Variants in CNGB3 observed in about 807,000 individuals in gnomAD.
CNGB3 encodes the protein cyclic nucleotide gated channel subunit beta 3.
A neutral mutation model predicts 92.8 loss-of-function variants in CNGB3; 86 were observed. The observed-to-expected ratio is 0.93, with a 90% confidence interval of 0.78 to 1.11. The LOEUF (loss-of-function observed/expected upper bound fraction) is 1.11, where lower values mean the gene tolerates loss of function less well. Ranked by LOEUF, CNGB3 falls within the 50% of genes least tolerant of loss-of-function variation. The pLI is 0.00. For synonymous variants in CNGB3, 333 were observed against 332.7 expected (o/e 1.00, Z -0.01); for missense variants, 1,026 against 956.8 (o/e 1.07, Z -0.95).
In CNGB3 at chr8:86,580,190, C is replaced by CGGG. The variant is rs71275867; in HGVS notation, c.1782-941_1782-939dup. 7.4e-3 allele frequency among the ~76,000 whole-genome samples: 332 copies of CGGG among 45,044 alleles called. 4 individuals are homozygous for CGGG. The highest frequency in any genetic ancestry group is 0.033 in the South Asian group (39 of 1,182). The allele number at this position is 45,044 out of a possible 152,430, so 29.6% of individuals were successfully genotyped here. ...CTCACTCATTATCACGAGAATAGCACGGGGGGGGTGGCGGGGGGAACTGCC... is the reference window on the plus strand; with the variant it reads ...CTCACTCATTATCACGAGAATAGCACGGGGGGGGGGGTGGCGGGGGGAACTGCC... On this transcript the variant is annotated intron_variant, in intron 15 of 17. Coordinates refer to ENST00000320005, the MANE Select transcript of CNGB3 (RefSeq NM_019098.5).
At chr8:86,627,964 T>C (rs1294042022) in intron 12 of CNGB3, among the ~76,000 whole-genome samples, 1 of 152,242 alleles carries the variant, frequency 6.6e-6, no homozygotes, top group African/African-American at 2.4e-5. Flanking sequence ...AAGACCTTTA[T>C]GATGATCTAG....
At chr8:86,682,151 C>T (rs1228659903) in intron 3 of CNGB3, among the ~76,000 whole-genome samples, 1 of 152,134 alleles carries the variant, frequency 6.6e-6, no homozygotes, top group African/African-American at 2.4e-5. Context: ...TTCCCTGAAT[C>T]TAAATTTTGG....
intron 3 of CNGB3, among the ~76,000 whole-genome samples, chr8:86,674,959 G>A (rs572649251): frequency 6.6e-6 from 1 of 151,410 alleles, no homozygotes; most frequent in Non-Finnish European, 1.5e-5. Flanking sequence ...TGTTGTTGTT[G>A]TTGTTGTTGT....
At chr8:86,709,940 T>C (rs1431660311) in intron 3 of CNGB3, among the ~76,000 whole-genome samples, 1 of 152,208 alleles carries the variant, frequency 6.6e-6, no homozygotes, top group African/African-American at 2.4e-5. Context: ...TTATTCACAA[T>C]GTGATTGCCT....
At chr8:86,634,530 T>G (rs1256931925) in intron 10 of CNGB3, among the ~76,000 whole-genome samples, 4 of 152,124 alleles carry the variant, frequency 2.6e-5, no homozygotes, top group African/African-American at 4.8e-5. Context: ...TAATTCTACA[T>G]AGCTCTGATA....
chr8:86,697,635 CTTATT>C (rs1287028825), intron 3 of CNGB3, among the ~76,000 whole-genome samples: 1 of 152,116 alleles, frequency 6.6e-6, no homozygotes, highest in East Asian at 1.9e-4. Flanking sequence ...GAACCCTTTT[CTTATT>C]TTATTTAATT....
chr8:86,699,174 C>T (rs1824505707), intron 3 of CNGB3, among the ~76,000 whole-genome samples: 1 of 152,128 alleles, frequency 6.6e-6, no homozygotes, highest in African/African-American at 2.4e-5. Context: ...AGCATGTTTT[C>T]AAGATCCTTA....
At chr8:86,579,708 A>G (rs561679743) in intron 15 of CNGB3, among the ~76,000 whole-genome samples, 1 of 152,302 alleles carries the variant, frequency 6.6e-6, no homozygotes, top group Non-Finnish European at 1.5e-5. Context: ...AGAGAGTGGG[A>G]TCAGAGCATT....
At position 86,579,091 on chromosome 8, in the gene CNGB3, T is replaced by C. The variant is rs541937792; in HGVS notation, c.1928+15A>G. The C allele has an allele frequency of 1.9e-6, 3 of 1,614,136 alleles. No individual in the cohort carries two copies. Among genetic ancestry groups the C allele is most frequent in the Admixed American group, 3.3e-5 (2 of 60,024 alleles). On this transcript the variant is annotated intron_variant, in intron 16 of 17. Coordinates refer to ENST00000320005, the MANE Select transcript of CNGB3 (RefSeq NM_019098.5). Reference sequence around the variant, plus strand: ...CCAACTCCATCCATCTCTAATGGTGTTTTAAAGGTTGTACCTGGCTTTCTT... The same window carrying C: ...CCAACTCCATCCATCTCTAATGGTGCTTTAAAGGTTGTACCTGGCTTTCTT...
chr8:86,673,276 G>A (rs1191672341), intron 3 of CNGB3, among the ~76,000 whole-genome samples: 1 of 152,194 alleles, frequency 6.6e-6, no homozygotes, highest in Non-Finnish European at 1.5e-5. Context: ...TGTAGAGGAA[G>A]TACACTGTCT....
intron 3 of CNGB3, among the ~76,000 whole-genome samples, chr8:86,721,116 G>A (rs964346284): frequency 5.9e-5 from 9 of 151,746 alleles, no homozygotes; most frequent in Admixed American, 5.9e-4. Context: ...AGAGGTGCAC[G>A]CCACCAGCCC....
In CNGB3 at chr8:86,655,400, G is replaced by A. The variant is rs150846378; in HGVS notation, c.853-1338C>T. Among the ~76,000 whole-genome samples the A allele has an allele frequency of 5.4e-4, 82 of 152,284 alleles. 2 individuals carry two copies. The East Asian group carries it at 0.016, about 29-fold the overall frequency. ...TTCTGTTTTCCACTCACTTCCCGGA[G>A]CATCCCAGAAACAGAACCCACTCTG... is the stretch of plus-strand genomic sequence containing the variant. On this transcript the variant is annotated intron_variant, in intron 6 of 17. Transcript: ENST00000320005.
intron 1 of CNGB3, among the ~76,000 whole-genome samples, chr8:86,740,275 G>T (rs1486486487): frequency 6.6e-6 from 1 of 152,182 alleles, no homozygotes; most frequent in Non-Finnish European, 1.5e-5. Context: ...CCCAAGCTAT[G>T]CACAGTCTAG....
chr8:86,690,325 AT>A (rs1459485130), intron 3 of CNGB3, among the ~76,000 whole-genome samples: 3 of 152,062 alleles, frequency 2.0e-5, no homozygotes, highest in South Asian at 2.1e-4. Context: ...GATGATGAGC[AT>A]TTTTTCATGT....
intron 6 of CNGB3, chr8:86,660,358 C>G: frequency 2.5e-6 from 1 of 402,934 alleles, no homozygotes; most frequent in Non-Finnish European, 4.9e-6. Flanking sequence ...CTAAACACAT[C>G]CAGTCATCTA....
At chr8:86,631,084 T>C (rs1822952566) in intron 11 of CNGB3, among the ~76,000 whole-genome samples, 1 of 152,262 alleles carries the variant, frequency 6.6e-6, no homozygotes, top group South Asian at 2.1e-4. Flanking sequence ...ACATTTTCAG[T>C]GACTTGATAT....
chr8:86,708,586 G>C (rs1169195451), intron 3 of CNGB3, among the ~76,000 whole-genome samples: 1 of 47,592 alleles, frequency 2.1e-5, no homozygotes, highest in South Asian at 6.0e-4. Flanking sequence ...TTTTTTTTTT[G>C]AGTCAGGGTC....
At chr8:86,671,815 A>G (rs1434817923) in intron 3 of CNGB3, among the ~76,000 whole-genome samples, 1 of 152,184 alleles carries the variant, frequency 6.6e-6, no homozygotes. Flanking sequence ...ACTTGGAAGT[A>G]AATTCTTCAC....
chr8:86,631,878 T>C (rs1007759989), intron 11 of CNGB3, among the ~76,000 whole-genome samples: 2 of 152,208 alleles, frequency 1.3e-5, no homozygotes, highest in East Asian at 3.8e-4. Context: ...CTTTGCTGAC[T>C]GAGGCCTTGC....
Sources: gnomAD v4.1 joint callset for allele counts (sites outside exome capture counted in the v4.1 genomes callset) on GRCh38, gnomAD v4.1.1 for gene constraint, MANE v1.5 for transcripts, NCBI Gene and HGNC (gene_info 2026-07-23, HGNC 2026-07-21) for gene names.